Variants in ACAP2 observed in about 807,000 individuals in gnomAD.
ACAP2 encodes arf-GAP with coiled-coil, ANK repeat and PH domain-containing protein 2.
A neutral mutation model predicts 115.8 loss-of-function variants in ACAP2; 39 were observed. That is an observed-to-expected ratio of 0.34 (90% confidence interval 0.26 to 0.44). ACAP2 has a LOEUF of 0.44. Ranked by LOEUF, ACAP2 falls within the 20% of genes least tolerant of loss-of-function variation. ACAP2 has a pLI of 1.00. For missense variants in ACAP2, 662 were observed against 927.6 expected, an observed-to-expected ratio of 0.71 and a Z score of 3.72; for synonymous variants, 289 against 315.8, an observed-to-expected ratio of 0.92 and a Z score of 0.90.
At chr3:195,289,704 G>T (rs1727110628) in intron 20 of ACAP2, among the ~76,000 whole-genome samples, 1 of 150,940 alleles carries the variant, frequency 6.6e-6, no homozygotes, top group Non-Finnish European at 1.5e-5. Flanking sequence ...TACACAGGAG[G>T]CTGAGGCAGG....
At chr3:195,327,056 C>T in intron 8 of ACAP2, 97 bp from the exon 9 acceptor site, 2 of 1,146,198 alleles carry the variant, frequency 1.7e-6, no homozygotes, top group Non-Finnish European at 2.5e-6. Context: ...AATAAAAAAT[C>T]ACTCAATTTA....
At position 195,275,600 on chromosome 3, in the gene ACAP2, T is replaced by A. The variant is rs1726161312; in HGVS notation, c.*3728A>T. 1 of 152,210 alleles carries A rather than the reference T, an allele frequency of 6.6e-6. No homozygotes were observed. Among genetic ancestry groups the A allele is most frequent in the African/African-American group, 2.4e-5 (1 of 41,462 alleles). The allele number at this position is 152,210 out of a possible 1,614,324, so 9.4% of individuals were successfully genotyped here. ...ACAATGATTTCAAATCATTTCATGATACAAATAAAGTGCCTCTGACTGGTG... is the reference window on the plus strand; with the variant it reads ...ACAATGATTTCAAATCATTTCATGAAACAAATAAAGTGCCTCTGACTGGTG... On this transcript the variant is annotated 3_prime_UTR_variant, in exon 23 of 23. Coordinates refer to ENST00000326793, the MANE Select transcript of ACAP2 (RefSeq NM_012287.6).
chr3:195,288,731 G>A (rs1012802905), intron 21 of ACAP2, among the ~76,000 whole-genome samples: 4 of 152,042 alleles, frequency 2.6e-5, no homozygotes, highest in African/African-American at 9.7e-5. Context: ...GGTGGATCAC[G>A]CCTGTAATCC....
chr3:195,401,882 A>T (rs1019369121), intron 1 of ACAP2, among the ~76,000 whole-genome samples: 2 of 152,130 alleles, frequency 1.3e-5, no homozygotes, highest in African/African-American at 4.8e-5. Context: ...ATTTGACAAG[A>T]TCTGTAAAGA....
intron 6 of ACAP2, among the ~76,000 whole-genome samples, chr3:195,340,620 A>G (rs915126179): frequency 5.3e-5 from 8 of 152,216 alleles, no homozygotes; most frequent in African/African-American, 1.9e-4. Context: ...AAGCAGTTTC[A>G]GATAAATCAA....
rs563046395 is a variant in ACAP2, at chr3:195,400,008, G to A, written c.54-7861C>T. Among the ~76,000 whole-genome samples the A allele has an allele frequency of 3.8e-4, 58 of 151,808 alleles. No homozygotes were observed. In the Middle Eastern group the frequency reaches 0.017, roughly 45 times the overall value. ...AGCCTGACCAACATGATGAAACCCT[G>A]TCTCTACTAAAAATACAAAATTAGC... On this transcript the variant is annotated intron_variant, in intron 1 of 22. Coordinates refer to ENST00000326793, the MANE Select transcript of ACAP2 (RefSeq NM_012287.6).
intron 10 of ACAP2, among the ~76,000 whole-genome samples, chr3:195,318,087 G>A (rs1329353009): frequency 1.3e-5 from 2 of 151,992 alleles, no homozygotes; most frequent in Non-Finnish European, 2.9e-5. Flanking sequence ...TTTCCCCTGA[G>A]CTCTCTCTCT....
intron 1 of ACAP2, among the ~76,000 whole-genome samples, chr3:195,407,920 ATTTT>A (rs530615198): frequency 4.3e-4 from 65 of 152,234 alleles, no homozygotes; most frequent in African/African-American, 1.5e-3. Context: ...GCTCTACAGA[ATTTT>A]TTTTAAAAAG....
chr3:195,327,265 A>G (rs1295639747), intron 8 of ACAP2, among the ~76,000 whole-genome samples: 1 of 152,172 alleles, frequency 6.6e-6, no homozygotes, highest in Admixed American at 6.5e-5. Context: ...AATAACGAAA[A>G]TGACTCTAGC....
intron 1 of ACAP2, among the ~76,000 whole-genome samples, chr3:195,407,431 G>A (rs1045945994): frequency 6.6e-6 from 1 of 152,052 alleles, no homozygotes; most frequent in African/African-American, 2.4e-5. Flanking sequence ...AAAGTCCTGG[G>A]CACAGTGGCT....
chr3:195,290,421 C>T (rs1727163799), intron 20 of ACAP2, among the ~76,000 whole-genome samples: 1 of 152,054 alleles, frequency 6.6e-6, no homozygotes, highest in East Asian at 1.9e-4. Context: ...TTAAGTACTA[C>T]CTTAAATACT....
chr3:195,324,562 T>C (rs977454632), intron 9 of ACAP2, among the ~76,000 whole-genome samples: 3 of 152,108 alleles, frequency 2.0e-5, no homozygotes, highest in Admixed American at 1.3e-4. Flanking sequence ...AAGACCATCC[T>C]GACCAACATG....
chr3:195,415,975 G>A (rs1713688547), intron 1 of ACAP2, among the ~76,000 whole-genome samples: 1 of 152,008 alleles, frequency 6.6e-6, no homozygotes, highest in South Asian at 2.1e-4. Context: ...GGACAAACAG[G>A]CCAATAGAAA....
At chr3:195,390,795 T>C (rs1734619624) in intron 2 of ACAP2, among the ~76,000 whole-genome samples, 4 of 152,204 alleles carry the variant, frequency 2.6e-5, no homozygotes, top group Non-Finnish European at 5.9e-5. Flanking sequence ...GAAAATTATT[T>C]TCAGAAAAGG....
At chr3:195,339,893 A>G (rs1249075485) in intron 6 of ACAP2, among the ~76,000 whole-genome samples, 1 of 152,166 alleles carries the variant, frequency 6.6e-6, no homozygotes, top group Non-Finnish European at 1.5e-5. Context: ...ACTGGACTAG[A>G]GGCTAGGGAT....
At chr3:195,305,813 G>A (rs1728384740) in intron 13 of ACAP2, among the ~76,000 whole-genome samples, 1 of 151,784 alleles carries the variant, frequency 6.6e-6, no homozygotes, top group African/African-American at 2.4e-5. Context: ...CAAGTTAGTC[G>A]TCCCCCCATA....
intron 4 of ACAP2, among the ~76,000 whole-genome samples, chr3:195,375,271 G>C (rs1044486052): frequency 1.3e-5 from 2 of 151,892 alleles, no homozygotes; most frequent in African/African-American, 4.8e-5. Context: ...CCCTAATACT[G>C]TGTTTTCTAA....
chr3:195,362,229 T>C (rs577124212), intron 4 of ACAP2, among the ~76,000 whole-genome samples: 115 of 151,840 alleles, frequency 7.6e-4, no homozygotes, highest in African/African-American at 2.5e-3. Context: ...GGCAGGAGAA[T>C]TGATTGAACC....
intron 15 of ACAP2, among the ~76,000 whole-genome samples, chr3:195,299,916 T>C (rs1227872724): frequency 3.9e-5 from 6 of 152,082 alleles, no homozygotes; most frequent in Admixed American, 6.6e-5. Context: ...ATTCACAATA[T>C]ACTACGATTA....
Sources: gnomAD v4.1 joint callset for allele counts (sites outside exome capture counted in the v4.1 genomes callset) on GRCh38, gnomAD v4.1.1 for gene constraint, MANE v1.5 for transcripts, NCBI Gene and HGNC (gene_info 2026-07-23, HGNC 2026-07-21) for gene names.